Variants in PTPRG observed in about 807,000 individuals in gnomAD.
The protein encoded by PTPRG is protein tyrosine phosphatase receptor type G, also known as receptor-type tyrosine-protein phosphatase gamma.
A neutral mutation model predicts 165.3 loss-of-function variants in PTPRG; 102 were observed. That is an observed-to-expected ratio of 0.62 (90% CI 0.53 to 0.73). The LOEUF is 0.73. PTPRG is among the 30% of genes least tolerant of loss of function. The pLI is 0.00. For synonymous variants in PTPRG, 675 were observed against 669.5 expected (o/e 1.01, Z -0.13); for missense variants, 1,866 against 1,861.4 (o/e 1.00, Z -0.05).
At chr3:61,682,167 A>AAAG (rs61686807) in intron 1 of PTPRG, among the ~76,000 whole-genome samples, 1 of 151,086 alleles carries the variant, frequency 6.6e-6, no homozygotes, top group Non-Finnish European at 1.5e-5. Flanking sequence ...AAAAAAAAAA[A>AAAG]GTGAACTGGT....
chr3:61,970,760 G>C (rs2107658292), intron 2 of PTPRG, among the ~76,000 whole-genome samples: 1 of 152,116 alleles, frequency 6.6e-6, no homozygotes, highest in South Asian at 2.1e-4. Flanking sequence ...CTTTGAACTT[G>C]GTACATCTGC....
rs117512384 is a variant in PTPRG, at chr3:61,882,030, G to A, written c.191-107595G>A. ...GCTGGGGGTAAGAGCTTATGCGAAG[G>A]GAGTTCTACATTTGATTGACTCCTA... On this transcript the variant is annotated intron_variant, in intron 2 of 29. Coordinates refer to ENST00000474889, the MANE Select transcript of PTPRG (RefSeq NM_002841.4). Among the ~76,000 whole-genome samples, 103 of 152,228 alleles carry A rather than the reference G, an allele frequency of 6.8e-4. 1 individual carries two copies. In the East Asian group the frequency reaches 0.016, roughly 24 times the overall value.
At chr3:62,156,775 T>C (rs1439398329) in intron 6 of PTPRG, among the ~76,000 whole-genome samples, 1 of 152,216 alleles carries the variant, frequency 6.6e-6, no homozygotes, top group African/African-American at 2.4e-5. Flanking sequence ...TAGAATATTT[T>C]GTCTATTTCC....
At chr3:61,566,170 G>A (rs557144319) in intron 1 of PTPRG, among the ~76,000 whole-genome samples, 1 of 152,324 alleles carries the variant, frequency 6.6e-6, no homozygotes, top group East Asian at 1.9e-4. Context: ...AAGGTCATAG[G>A]AAGGGTTGGC....
chr3:62,159,515 A>C (rs945499447), intron 7 of PTPRG, among the ~76,000 whole-genome samples: 1 of 152,054 alleles, frequency 6.6e-6, no homozygotes, highest in Admixed American at 6.6e-5. Flanking sequence ...TGGGGCTTGG[A>C]TGTTTTGCCA....
chr3:61,859,093 A>T (rs2037190335), intron 2 of PTPRG, among the ~76,000 whole-genome samples: 2 of 152,300 alleles, frequency 1.3e-5, no homozygotes, highest in South Asian at 4.1e-4. Context: ...TTTAAGCAAA[A>T]TAAAGCTTAA....
chr3:61,644,442 A>C (rs1422789202), intron 1 of PTPRG, among the ~76,000 whole-genome samples: 1 of 152,176 alleles, frequency 6.6e-6, no homozygotes, highest in Non-Finnish European at 1.5e-5. Context: ...AAGCTGCTCA[A>C]GGGAATTCAG....
chr3:61,952,767 G>A (rs57160695), intron 2 of PTPRG, among the ~76,000 whole-genome samples: 16,441 of 151,048 alleles, frequency 0.11, 1,075 homozygotes, highest in South Asian at 0.17. Flanking sequence ...GTCTTCCTCC[G>A]TCTACAATTA....
chr3:61,674,230 T>C (rs1703138987), intron 1 of PTPRG, among the ~76,000 whole-genome samples: 1 of 151,932 alleles, frequency 6.6e-6, no homozygotes, highest in Non-Finnish European at 1.5e-5. Context: ...GCCTATTGAA[T>C]GTCTCAGAGA....
chr3:62,182,618 C>T (rs1416905321), intron 8 of PTPRG, among the ~76,000 whole-genome samples: 1 of 152,212 alleles, frequency 6.6e-6, no homozygotes, highest in African/African-American at 2.4e-5. Flanking sequence ...AAGGGCCTGA[C>T]ATATGGCCGG....
At chr3:61,944,419 C>G (rs2039706420) in intron 2 of PTPRG, among the ~76,000 whole-genome samples, 1 of 152,154 alleles carries the variant, frequency 6.6e-6, no homozygotes, top group African/African-American at 2.4e-5. Context: ...CACCGTGCTT[C>G]CATCGTCTTC....
At chr3:61,576,815 C>T (rs1700182857) in intron 1 of PTPRG, among the ~76,000 whole-genome samples, 2 of 152,096 alleles carry the variant, frequency 1.3e-5, no homozygotes, top group Admixed American at 1.3e-4. Flanking sequence ...AAAAAAAAAT[C>T]CAGTCTCTTG....
intron 2 of PTPRG, among the ~76,000 whole-genome samples, chr3:61,958,330 A>T (rs1462394495): frequency 2.0e-5 from 3 of 151,972 alleles, no homozygotes; most frequent in Non-Finnish European, 2.9e-5. Context: ...GAGTTTCCCC[A>T]TGTTGGCCAG....
intron 1 of PTPRG, among the ~76,000 whole-genome samples, chr3:61,636,126 C>G (rs1701901667): frequency 6.6e-6 from 1 of 152,172 alleles, no homozygotes; most frequent in Non-Finnish European, 1.5e-5. Context: ...CTGTATATTG[C>G]TGTCTGAAAA....
At chr3:61,680,019 T>C (rs908230486) in intron 1 of PTPRG, among the ~76,000 whole-genome samples, 1 of 152,134 alleles carries the variant, frequency 6.6e-6, no homozygotes, top group Non-Finnish European at 1.5e-5. Context: ...ATTTACTAAT[T>C]AGACATTAAA....
chr3:61,903,244 A>T (rs35483844), intron 2 of PTPRG, among the ~76,000 whole-genome samples: 18,527 of 152,068 alleles, frequency 0.12, 1,881 homozygotes, highest in African/African-American at 0.28. Context: ...CTGATGCCTT[A>T]CCTCGTCCTT....
At chr3:62,130,441 G>A (rs1230753717) in intron 5 of PTPRG, among the ~76,000 whole-genome samples, 1 of 152,194 alleles carries the variant, frequency 6.6e-6, no homozygotes, top group Non-Finnish European at 1.5e-5. Context: ...ATAGAGGAGG[G>A]CAAAGTCAAG....
At chr3:61,703,888 T>C (rs755949093) in intron 1 of PTPRG, among the ~76,000 whole-genome samples, 12 of 152,172 alleles carry the variant, frequency 7.9e-5, no homozygotes, top group Non-Finnish European at 1.3e-4. Flanking sequence ...TATAGCATTG[T>C]AGCTAAAATG....
rs549421157 is a variant in PTPRG, at chr3:62,028,160, G to A, written c.519+24663G>A. 1.6e-4 allele frequency among the ~76,000 whole-genome samples: 24 copies of A among 152,238 alleles called. 1 individual carries two copies. The highest frequency in any genetic ancestry group is 1.2e-3 in the Admixed American group (19 of 15,292). On this transcript the variant is annotated intron_variant, in intron 4 of 29. Coordinates refer to ENST00000474889, the MANE Select transcript of PTPRG (RefSeq NM_002841.4). ...TCTAAAGAGGAGAAAAGAAGTTTTC[G>A]GTAGAAAGGAGAGCCACTTTTAAAG... is the stretch of plus-strand genomic sequence containing the variant.
Sources: allele counts gnomAD v4.1 joint callset (sites outside exome capture counted in the v4.1 genomes callset), GRCh38; gene constraint gnomAD v4.1.1; transcripts MANE v1.5; gene names NCBI Gene and HGNC (gene_info 2026-07-23, HGNC 2026-07-21).